The following USH2A variants were observed in gnomAD, a reference collection of about 807,000 sequenced individuals.
USH2A encodes Usher syndrome 2A (autosomal recessive, mild).
USH2A carries 443 observed loss-of-function variants against 538.9 expected under a neutral mutation model. The observed-to-expected ratio is 0.82, with a 90% CI of 0.76 to 0.89. USH2A has a LOEUF of 0.89. USH2A is among the 40% of genes least tolerant of loss of function. The pLI is 0.00. For missense variants in USH2A, 6,633 were observed against 6,324.8 expected (o/e 1.05, Z -1.65); for synonymous variants, 2,413 against 2,273.5 (o/e 1.06, Z -1.75).
intron 25 of USH2A, 21 bp downstream of exon 25, chr1:216,084,677 A>G (rs564237785): frequency 6.2e-7 from 1 of 1,611,438 alleles, no homozygotes; most frequent in Admixed American, 1.7e-5. Flanking sequence ...GTGAACACTC[A>G]TGTCTTTTTT....
At chr1:215,649,406 C>T (rs367827892) in intron 65 of USH2A, among the ~76,000 whole-genome samples, 17 of 152,038 alleles carry the variant, frequency 1.1e-4, no homozygotes, top group African/African-American at 2.7e-4. Flanking sequence ...AAGTACTCTT[C>T]GGAACAAGAG....
intron 43 of USH2A, among the ~76,000 whole-genome samples, 154 bp from the exon 44 acceptor site, chr1:215,867,324 A>T (rs1041114823): frequency 2.0e-5 from 3 of 152,188 alleles, no homozygotes; most frequent in African/African-American, 7.2e-5. Flanking sequence ...ACATTATTTT[A>T]TTTTCCCTCC....
intron 3 of USH2A, among the ~76,000 whole-genome samples, chr1:216,388,587 T>C (rs2039047508): frequency 6.6e-6 from 1 of 152,192 alleles, no homozygotes; most frequent in Non-Finnish European, 1.5e-5. Context: ...CAAGAAAACA[T>C]ATCACTTTTA....
chr1:215,779,670 G>T (rs1341796019), intron 55 of USH2A, among the ~76,000 whole-genome samples, 173 bp downstream of exon 55: 1 of 152,210 alleles, frequency 6.6e-6, no homozygotes, highest in Admixed American at 6.5e-5. Context: ...GCGTATTGCT[G>T]CCAGTGTGGG....
chr1:216,097,272 A>G, intron 21 of USH2A, 59 bp from the exon 22 acceptor site: 2 of 1,613,076 alleles, frequency 1.2e-6, no homozygotes, highest in South Asian at 2.2e-5. Context: ...TCTTTCTGAT[A>G]AATGTACATT....
intron 55 of USH2A, among the ~76,000 whole-genome samples, chr1:215,768,248 A>G (rs528251794): frequency 6.6e-6 from 1 of 152,168 alleles, no homozygotes; most frequent in South Asian, 2.1e-4. Context: ...CTTATTTGAT[A>G]TTTGTCTCCT....
Position 216,200,093 on chromosome 1 carries a change from C to A in USH2A, c.3345G>T (p.Leu1115=). 1.2e-6 allele frequency: 2 copies of A among 1,610,982 alleles called. No homozygotes were observed. The highest frequency in any genetic ancestry group is 1.7e-6 in the Non-Finnish European group (2 of 1,179,094). ...AATAGGAATATTTGGTATATGGTAA[C>A]AGGTCTGTGTCTAAGAAGTATTGAA... The part of the protein sequence containing the change: ...YSIQYFLDTD[L]LPYTKYSYYI... The change falls in exon 17 of 72, where the codon CTG becomes CTT. Residue 1115 remains leucine, a synonymous_variant. Coordinates refer to ENST00000307340, the MANE Select transcript of USH2A (RefSeq NM_206933.4).
intron 32 of USH2A, among the ~76,000 whole-genome samples, chr1:216,039,188 T>C (rs2030152052): frequency 6.6e-6 from 1 of 152,024 alleles, no homozygotes; most frequent in South Asian, 2.1e-4. Flanking sequence ...CTTGAGAGTA[T>C]AGCATCCACT....
intron 9 of USH2A, among the ~76,000 whole-genome samples, chr1:216,320,406 T>A (rs1428224551): frequency 6.6e-6 from 1 of 152,200 alleles, no homozygotes; most frequent in Non-Finnish European, 1.5e-5. Context: ...GGTCTTCCTG[T>A]ACAGCAATGC....
Position 216,175,251 on chromosome 1 carries a change from C to A in USH2A, c.4627+1G>T. The A allele has an allele frequency of 6.2e-7, 1 of 1,613,612 alleles. No individual in the cohort carries two copies. The highest frequency in any genetic ancestry group is 8.5e-7 in the Non-Finnish European group (1 of 1,179,792). ...AATAAAGCAATGTCAAACACACTTA[C>A]CAGTGAAGTCTGTATTGACTGGGTG... On this transcript the variant is annotated splice_donor_variant, in intron 21 of 71. Coordinates refer to ENST00000307340, the MANE Select transcript of USH2A (RefSeq NM_206933.4). LOFTEE classifies it high-confidence loss of function.
chr1:216,387,408 A>G (rs961267582), intron 3 of USH2A, among the ~76,000 whole-genome samples: 1 of 152,220 alleles, frequency 6.6e-6, no homozygotes, highest in East Asian at 1.9e-4. Flanking sequence ...TGATCTGATG[A>G]AAAAAGAAAC....
At chr1:216,048,506 G>A in intron 31 of USH2A, 28 bp downstream of exon 31, 1 of 1,590,452 alleles carries the variant, frequency 6.3e-7, no homozygotes, top group Non-Finnish European at 8.6e-7. Context: ...CTGAAATGTG[G>A]AAGTCAAGAC....
At chr1:215,948,010 A>G (rs1310343064) in intron 37 of USH2A, among the ~76,000 whole-genome samples, 1 of 152,180 alleles carries the variant, frequency 6.6e-6, no homozygotes, top group Non-Finnish European at 1.5e-5. Context: ...AACCACCTTT[A>G]GCTAAAGAGA....
chr1:216,232,856 A>G (rs1170835442), intron 13 of USH2A, among the ~76,000 whole-genome samples: 1 of 152,196 alleles, frequency 6.6e-6, no homozygotes, highest in East Asian at 1.9e-4. Context: ...TGTCATAGAA[A>G]TGCAAATAAT....
chr1:215,719,551 A>G (rs1659592864), intron 61 of USH2A, among the ~76,000 whole-genome samples: 1 of 152,168 alleles, frequency 6.6e-6, no homozygotes, highest in African/African-American at 2.4e-5. Context: ...AAGGTTTTTC[A>G]CTCATGACCA....
intron 3 of USH2A, among the ~76,000 whole-genome samples, chr1:216,388,145 T>G (rs1434286988): frequency 6.6e-6 from 1 of 152,172 alleles, no homozygotes; most frequent in Non-Finnish European, 1.5e-5. Context: ...ACTTCACGAG[T>G]TTAAGTATAA....
At chr1:216,028,919 T>A (rs527620947) in intron 32 of USH2A, among the ~76,000 whole-genome samples, 1 of 152,156 alleles carries the variant, frequency 6.6e-6, no homozygotes, top group African/African-American at 2.4e-5. Context: ...TGTTTGTATC[T>A]GTGCTTTAAT....
chr1:215,856,001 A>G (rs1853811), intron 44 of USH2A, among the ~76,000 whole-genome samples: 124,667 of 152,180 alleles, frequency 0.82, 51,805 homozygotes, highest in East Asian at 0.96. Context: ...GAATGAAACT[A>G]GATCCTCATC....
chr1:216,308,820 C>T (rs2037366083), intron 9 of USH2A, among the ~76,000 whole-genome samples: 1 of 152,130 alleles, frequency 6.6e-6, no homozygotes, highest in South Asian at 2.1e-4. Flanking sequence ...ACAGTAATGT[C>T]TGTTTTGCCT....
Sources: gnomAD v4.1 joint callset for allele counts (sites outside exome capture counted in the v4.1 genomes callset) on GRCh38, gnomAD v4.1.1 for gene constraint, MANE v1.5 for transcripts, NCBI Gene and HGNC (gene_info 2026-07-23, HGNC 2026-07-21) for gene names.